The following GABRG3 variants were observed in gnomAD, a reference collection of about 807,000 sequenced individuals.
GABRG3 encodes the protein gamma-aminobutyric acid receptor subunit gamma-3.
In GABRG3, 25 loss-of-function variants were observed where a neutral mutation model predicts 48.8. The observed-to-expected ratio is 0.51, with a 90% confidence interval of 0.37 to 0.72. GABRG3 has a LOEUF of 0.72. Among genes scored for constraint, GABRG3 ranks in the 30% least tolerant of loss-of-function variants. GABRG3 has a pLI of 0.00. For synonymous variants in GABRG3, 227 were observed against 217.6 expected (o/e 1.04, Z -0.38); for missense variants, 394 against 577.9 (o/e 0.68, Z 3.26).
At chr15:27,129,708 G>GTTT (rs202202572) in intron 3 of GABRG3, among the ~76,000 whole-genome samples, 2 of 140,880 alleles carry the variant, frequency 1.4e-5, no homozygotes, top group African/African-American at 5.0e-5. Context: ...GTTAGTTTCT[G>GTTT]TTTTGTTTTT....
In GABRG3 at chr15:27,533,779, C is replaced by T. The variant is rs922316292; in HGVS notation, c.*898C>T. 1 of 152,116 alleles carries T rather than the reference C, an allele frequency of 6.6e-6. No homozygotes were observed. Among genetic ancestry groups the T allele is most frequent in the Non-Finnish European group, 1.5e-5 (1 of 68,006 alleles). The allele number at this position is 152,116 out of a possible 1,614,324, so 9.4% of individuals were successfully genotyped here. On this transcript the variant is annotated 3_prime_UTR_variant, in exon 10 of 10. Coordinates refer to ENST00000615808, the MANE Select transcript of GABRG3 (RefSeq NM_033223.5). The stretch of plus-strand genomic sequence containing the variant: ...AAAGAAAGGTATACAGTGAACACAA[C>T]CTGTTATCTTGAAGACATACACCGG...
chr15:27,209,111 T>C (rs1451353541), intron 3 of GABRG3, among the ~76,000 whole-genome samples: 1 of 152,164 alleles, frequency 6.6e-6, no homozygotes, highest in Non-Finnish European at 1.5e-5. Flanking sequence ...AATGGAGATC[T>C]GTGTCTGCGA....
chr15:26,996,409 C>T (rs1895340725), intron 2 of GABRG3, among the ~76,000 whole-genome samples: 1 of 151,898 alleles, frequency 6.6e-6, no homozygotes, highest in Non-Finnish European at 1.5e-5. Flanking sequence ...GTCACATTGT[C>T]TTCTGGCTTC....
chr15:27,155,735 A>T (rs1326561589), intron 3 of GABRG3, among the ~76,000 whole-genome samples: 1 of 152,096 alleles, frequency 6.6e-6, no homozygotes, highest in South Asian at 2.1e-4. Flanking sequence ...GTCCCTGCAG[A>T]TAGTGTGCTG....
intron 7 of GABRG3, among the ~76,000 whole-genome samples, chr15:27,523,895 G>C (rs914011506): frequency 6.6e-6 from 1 of 151,966 alleles, no homozygotes; most frequent in Non-Finnish European, 1.5e-5. Flanking sequence ...ACAAATATTG[G>C]AGAGGGAAAT....
chr15:27,028,225 C>T (rs1485245376), intron 3 of GABRG3, among the ~76,000 whole-genome samples: 1 of 152,118 alleles, frequency 6.6e-6, no homozygotes, highest in Admixed American at 6.5e-5. Context: ...CCAGTGAGGT[C>T]CTCTTCATCT....
intron 2 of GABRG3, among the ~76,000 whole-genome samples, chr15:27,001,152 C>T (rs962722510): frequency 3.3e-5 from 5 of 152,216 alleles, no homozygotes; most frequent in Admixed American, 6.5e-5. Context: ...CAGTGACCAC[C>T]GTCCTTCATT....
chr15:27,494,095 G>A (rs1890423931), intron 6 of GABRG3, among the ~76,000 whole-genome samples: 1 of 151,846 alleles, frequency 6.6e-6, no homozygotes. Context: ...TGCATTGATC[G>A]ATTTTCAAAT....
intron 6 of GABRG3, among the ~76,000 whole-genome samples, chr15:27,503,948 C>G (rs1890702913): frequency 6.6e-6 from 1 of 152,060 alleles, no homozygotes; most frequent in Non-Finnish European, 1.5e-5. Context: ...TTGTGGTGTT[C>G]TTTGCTTTAA....
chr15:27,347,722 G>A (rs994053551), intron 5 of GABRG3, among the ~76,000 whole-genome samples: 1 of 152,160 alleles, frequency 6.6e-6, no homozygotes, highest in Non-Finnish European at 1.5e-5. Context: ...CCTTGAGGTG[G>A]TTGTCCCCCA....
rs925636479 is a variant in GABRG3 at position 26,975,565 on chromosome 15, C to T, written c.54-1437C>T. 6.6e-6 allele frequency among the ~76,000 whole-genome samples: 1 copy of T among 152,086 alleles called. No individual in the cohort carries two copies. Among genetic ancestry groups the T allele is most frequent in the Admixed American group, 6.5e-5 (1 of 15,268 alleles). On this transcript the variant is annotated intron_variant, in intron 1 of 9. Coordinates refer to ENST00000615808, the MANE Select transcript of GABRG3 (RefSeq NM_033223.5). This position sits in a 1 kb window ranked among gnomAD's most constrained non-coding sequence, Gnocchi z 4.6. ...TAGTCTACGTTATGGCTAGTTAACA[C>T]GCTTTAAAAGACTCATGTATATATT...
At chr15:27,052,309 C>T (rs1259375266) in intron 3 of GABRG3, among the ~76,000 whole-genome samples, 4 of 152,144 alleles carry the variant, frequency 2.6e-5, no homozygotes, top group Non-Finnish European at 4.4e-5. Flanking sequence ...CTGTCACTCC[C>T]GTGCCGCAAA....
chr15:27,008,891 A>C (rs1477233630), intron 2 of GABRG3, among the ~76,000 whole-genome samples: 3 of 152,160 alleles, frequency 2.0e-5, no homozygotes, highest in Admixed American at 6.5e-5. Flanking sequence ...CTAGGGGCTG[A>C]GTCAGAAGAA....
chr15:27,169,040 C>T (rs886387223), intron 3 of GABRG3, among the ~76,000 whole-genome samples: 4 of 152,162 alleles, frequency 2.6e-5, no homozygotes, highest in African/African-American at 9.7e-5. Context: ...GCATGTGGGC[C>T]AAGTACTGTG....
At chr15:27,189,640 G>C in intron 3 of GABRG3, among the ~76,000 whole-genome samples, 1 of 152,120 alleles carries the variant, frequency 6.6e-6, no homozygotes, top group Non-Finnish European at 1.5e-5. Context: ...TGAGACAGTG[G>C]GGTTTTCTAG....
At chr15:27,411,105 A>C (rs1887784822) in intron 5 of GABRG3, among the ~76,000 whole-genome samples, 1 of 152,080 alleles carries the variant, frequency 6.6e-6, no homozygotes, top group African/African-American at 2.4e-5. Flanking sequence ...TTACAATCTC[A>C]TCATCCGTGG....
chr15:27,387,492 G>T (rs1216037676), intron 5 of GABRG3, among the ~76,000 whole-genome samples: 1 of 152,120 alleles, frequency 6.6e-6, no homozygotes, highest in Non-Finnish European at 1.5e-5. Context: ...TTTGTAATTA[G>T]GGGGTATTCC....
At chr15:27,245,488 A>T (rs539276199) in intron 3 of GABRG3, among the ~76,000 whole-genome samples, 1 of 152,292 alleles carries the variant, frequency 6.6e-6, no homozygotes, top group Non-Finnish European at 1.5e-5. Flanking sequence ...TTTTGCTAAA[A>T]TCTGTCTTCA....
intron 3 of GABRG3, among the ~76,000 whole-genome samples, chr15:27,183,442 C>T (rs1329344221): frequency 6.6e-6 from 1 of 152,176 alleles, no homozygotes; most frequent in Non-Finnish European, 1.5e-5. Context: ...GAAAGCCAGG[C>T]AGCGTGGATC....
Sources: gnomAD v4.1 joint callset for allele counts (sites outside exome capture counted in the v4.1 genomes callset) on GRCh38, gnomAD v4.1.1 for gene constraint, Gnocchi (gnomAD v3.1) non-coding constraint, MANE v1.5 for transcripts, NCBI Gene and HGNC (gene_info 2026-07-23, HGNC 2026-07-21) for gene names.